GRM3: variants seen among roughly 807,000 people sequenced by gnomAD.
GRM3 encodes the protein glutamate metabotropic receptor 3.
GRM3 carries 26 observed loss-of-function variants against 70.5 expected under a neutral mutation model. That is an observed-to-expected ratio of 0.37 (90% CI 0.27 to 0.51). The LOEUF is 0.51. Among genes scored for constraint, GRM3 ranks in the 20% least tolerant of loss-of-function variants. The pLI is 0.93. For missense variants in GRM3, 859 were observed against 1,123.8 expected, an observed-to-expected ratio of 0.76 and a Z score of 3.37; for synonymous variants, 443 against 434.9, an observed-to-expected ratio of 1.02 and a Z score of -0.23.
At chr7:86,684,450 T>G (rs956485005) in intron 1 of GRM3, among the ~76,000 whole-genome samples, 2 of 152,204 alleles carry the variant, frequency 1.3e-5, no homozygotes, top group Non-Finnish European at 2.9e-5. Flanking sequence ...AATAAACGAT[T>G]TAATGAATGA....
chr7:86,829,574 A>C (rs1175288618), intron 3 of GRM3, among the ~76,000 whole-genome samples: 1 of 152,154 alleles, frequency 6.6e-6, no homozygotes, highest in Non-Finnish European at 1.5e-5. Context: ...GGCCTAATGT[A>C]AATATTGTTG....
At chr7:86,761,702 G>C (rs1796483946) in intron 1 of GRM3, among the ~76,000 whole-genome samples, 1 of 152,142 alleles carries the variant, frequency 6.6e-6, no homozygotes, top group African/African-American at 2.4e-5. Context: ...TAAACTGATA[G>C]ACACTGTTGC....
At chr7:86,791,121 C>T (rs981967387) in intron 3 of GRM3, among the ~76,000 whole-genome samples, 2 of 152,178 alleles carry the variant, frequency 1.3e-5, no homozygotes, top group African/African-American at 2.4e-5. Flanking sequence ...CCCAAACTTA[C>T]GTTTTCTTCT....
In GRM3 at chr7:86,755,837, C is replaced by T. The variant is rs1407455352; in HGVS notation, c.-140-9169C>T. 2.6e-5 allele frequency among the ~76,000 whole-genome samples: 4 copies of T among 151,876 alleles called. No individual in the cohort carries two copies. The East Asian group carries it at 7.7e-4, about 29-fold the overall frequency. On this transcript the variant is annotated intron_variant, in intron 1 of 5. Transcript: ENST00000361669. ...ATATACAGAGAGAAGTAAAATCAAACCATAAAATAAACAAAATGGTAGTGG... is the reference window on the plus strand; with the variant it reads ...ATATACAGAGAGAAGTAAAATCAAATCATAAAATAAACAAAATGGTAGTGG...
chr7:86,681,396 C>T (rs1562823689), intron 1 of GRM3, among the ~76,000 whole-genome samples: 2 of 152,132 alleles, frequency 1.3e-5, no homozygotes, highest in South Asian at 4.1e-4. Flanking sequence ...ATATCTCATT[C>T]ACGTTTTCTT....
At chr7:86,852,192 C>T (rs531652827) in intron 5 of GRM3, among the ~76,000 whole-genome samples, 97 of 152,074 alleles carry the variant, frequency 6.4e-4, no homozygotes, top group Non-Finnish European at 1.1e-3. Context: ...GTTCTCATGG[C>T]CAGGCTTTGC....
chr7:86,832,667 A>G (rs1798377053), intron 3 of GRM3, among the ~76,000 whole-genome samples: 1 of 152,086 alleles, frequency 6.6e-6, no homozygotes. Flanking sequence ...CCTTAATTGG[A>G]CTTCTGTCTG....
intron 1 of GRM3, among the ~76,000 whole-genome samples, chr7:86,679,492 G>A (rs534869010): frequency 9.9e-5 from 15 of 151,980 alleles, no homozygotes; most frequent in East Asian, 5.8e-4. Flanking sequence ...CAGAGGAATC[G>A]AGGATAAAGG....
intron 1 of GRM3, among the ~76,000 whole-genome samples, chr7:86,683,467 A>C (rs1471319691): frequency 6.6e-6 from 1 of 152,180 alleles, no homozygotes; most frequent in African/African-American, 2.4e-5. Context: ...GTGGACCATA[A>C]CTGAAGTTAT....
chr7:86,808,033 A>G (rs1385487790), intron 3 of GRM3, among the ~76,000 whole-genome samples: 1 of 152,036 alleles, frequency 6.6e-6, no homozygotes, highest in African/African-American at 2.4e-5. Context: ...TTCTGTTTAT[A>G]TGATGGATTA....
chr7:86,682,823 T>C (rs978196184), intron 1 of GRM3, among the ~76,000 whole-genome samples: 2 of 152,182 alleles, frequency 1.3e-5, no homozygotes, highest in Admixed American at 6.6e-5. Flanking sequence ...TTTTTCAAAA[T>C]ATTCTTATAA....
intron 5 of GRM3, among the ~76,000 whole-genome samples, chr7:86,859,362 C>T (rs1230093536): frequency 6.6e-6 from 1 of 152,094 alleles, no homozygotes; most frequent in East Asian, 1.9e-4. Flanking sequence ...TCTTCATCTG[C>T]CCAGATAACA....
chr7:86,766,187 C>A (rs1348795347), intron 2 of GRM3, among the ~76,000 whole-genome samples: 1 of 152,068 alleles, frequency 6.6e-6, no homozygotes, highest in Non-Finnish European at 1.5e-5. Context: ...ATGCAACAGA[C>A]TATCAAGGTA....
intron 5 of GRM3, among the ~76,000 whole-genome samples, chr7:86,858,961 ATTTTTTC>A (rs1364538895): frequency 1.3e-5 from 2 of 152,006 alleles, no homozygotes; most frequent in Non-Finnish European, 2.9e-5. Context: ...CAGTCTATGT[ATTTTTTC>A]TTTTTTCTTG....
intron 1 of GRM3, among the ~76,000 whole-genome samples, chr7:86,661,616 A>G (rs1020416438): frequency 6.6e-6 from 1 of 151,998 alleles, no homozygotes; most frequent in Non-Finnish European, 1.5e-5. Context: ...AAAATATATA[A>G]TTAAAGAAGC....
chr7:86,735,365 A>T (rs1265248185), intron 1 of GRM3, among the ~76,000 whole-genome samples: 1 of 152,220 alleles, frequency 6.6e-6, no homozygotes, highest in Non-Finnish European at 1.5e-5. Flanking sequence ...AGACAAAAAA[A>T]AATCCCACTT....
At chr7:86,696,724 G>T (rs750326168) in intron 1 of GRM3, among the ~76,000 whole-genome samples, 1 of 150,766 alleles carries the variant, frequency 6.6e-6, no homozygotes, top group South Asian at 2.1e-4. Flanking sequence ...TGGTGGTAGC[G>T]GTGGTAGCAG....
intron 5 of GRM3, among the ~76,000 whole-genome samples, chr7:86,852,662 T>C (rs1471707923): frequency 2.6e-5 from 4 of 152,124 alleles, no homozygotes; most frequent in African/African-American, 9.7e-5. Flanking sequence ...CCCTAATCAA[T>C]ACAAATCAAT....
At chr7:86,802,598 G>GA (rs111893340) in intron 3 of GRM3, among the ~76,000 whole-genome samples, 200 of 135,360 alleles carry the variant, frequency 1.5e-3, no homozygotes, top group African/African-American at 1.8e-3. Context: ...ATAGTAAATT[G>GA]AAAAAAAAAA....
Sources: gnomAD v4.1 joint callset for allele counts (sites outside exome capture counted in the v4.1 genomes callset) on GRCh38, gnomAD v4.1.1 for gene constraint, MANE v1.5 for transcripts, NCBI Gene and HGNC (gene_info 2026-07-23, HGNC 2026-07-21) for gene names.